PLCB1: variants seen among roughly 807,000 people sequenced by gnomAD.
PLCB1 encodes phospholipase C beta 1.
A neutral mutation model predicts 161.8 loss-of-function variants in PLCB1; 46 were observed. The ratio of observed to expected loss-of-function variants is 0.28; its 90% CI spans 0.22 to 0.36. PLCB1 has a LOEUF of 0.36. Ranked by LOEUF, PLCB1 falls within the 10% of genes least tolerant of loss-of-function variation. The pLI, the probability that PLCB1 is intolerant of heterozygous loss-of-function variation, is 1.00. For synonymous variants in PLCB1, 517 were observed against 503.7 expected (o/e 1.03, Z -0.35); for missense variants, 1,016 against 1,472.5 (o/e 0.69, Z 5.07).
At chr20:8,858,791 G>T (rs980649666) in intron 31 of PLCB1, among the ~76,000 whole-genome samples, 1 of 151,866 alleles carries the variant, frequency 6.6e-6, no homozygotes, top group Non-Finnish European at 1.5e-5. Context: ...ATACCCTAAT[G>T]CTAGGCTCTT....
chr20:8,357,582 C>G (rs569435422), intron 2 of PLCB1, among the ~76,000 whole-genome samples: 1 of 151,400 alleles, frequency 6.6e-6, no homozygotes, highest in African/African-American at 2.4e-5. Flanking sequence ...CTGGGGGGGC[C>G]GAGCGAGGAG....
chr20:8,482,558 A>C (rs1318159594), intron 3 of PLCB1, among the ~76,000 whole-genome samples: 1 of 152,160 alleles, frequency 6.6e-6, no homozygotes, highest in Non-Finnish European at 1.5e-5. Context: ...TCCCCTCTTT[A>C]TTGAAAGTAC....
At chr20:8,480,924 C>A (rs1982472749) in intron 3 of PLCB1, among the ~76,000 whole-genome samples, 1 of 152,078 alleles carries the variant, frequency 6.6e-6, no homozygotes, top group Admixed American at 6.5e-5. Context: ...GCCAATATGG[C>A]GAAACCTGGT....
At chr20:8,783,546 T>C (rs1462734423) in intron 27 of PLCB1, among the ~76,000 whole-genome samples, 1 of 152,242 alleles carries the variant, frequency 6.6e-6, no homozygotes, top group Non-Finnish European at 1.5e-5. Flanking sequence ...ATTTCTGTTT[T>C]TGTTTGTTTT....
intron 2 of PLCB1, among the ~76,000 whole-genome samples, chr20:8,166,119 C>A (rs1282976964): frequency 6.6e-6 from 1 of 152,120 alleles, no homozygotes; most frequent in East Asian, 1.9e-4. Flanking sequence ...CCCTCTTGAC[C>A]CTCACTGGCT....
intron 9 of PLCB1, among the ~76,000 whole-genome samples, chr20:8,674,093 A>AT (rs1990016268): frequency 6.6e-6 from 1 of 152,286 alleles, no homozygotes. Context: ...GTTTTGTCTC[A>AT]TTTCCTTCAA....
intron 2 of PLCB1, among the ~76,000 whole-genome samples, chr20:8,221,494 A>G (rs1388632517): frequency 2.0e-5 from 3 of 152,286 alleles, no homozygotes; most frequent in South Asian, 2.1e-4. Context: ...TACAGATTCT[A>G]TATGTTTCAC....
chr20:8,463,640 A>G (rs571548196), intron 3 of PLCB1, among the ~76,000 whole-genome samples: 4 of 151,992 alleles, frequency 2.6e-5, no homozygotes, highest in Admixed American at 6.6e-5. Flanking sequence ...ATTTTTTTCT[A>G]TTTTATCCTT....
At chr20:8,213,645 A>T (rs1978951380) in intron 2 of PLCB1, among the ~76,000 whole-genome samples, 1 of 152,056 alleles carries the variant, frequency 6.6e-6, no homozygotes, top group Non-Finnish European at 1.5e-5. Flanking sequence ...GAAGCCAATG[A>T]AGAATTTAAG....
At chr20:8,749,052 C>G (rs1026245265) in intron 23 of PLCB1, among the ~76,000 whole-genome samples, 1 of 152,160 alleles carries the variant, frequency 6.6e-6, no homozygotes, top group African/African-American at 2.4e-5. Flanking sequence ...ACCGCATATT[C>G]AACAAGCTTC....
At chr20:8,576,570 A>G (rs936869308) in intron 3 of PLCB1, among the ~76,000 whole-genome samples, 5 of 152,200 alleles carry the variant, frequency 3.3e-5, no homozygotes, top group Admixed American at 2.6e-4. Context: ...CTCTTTATAT[A>G]TAACTAAAAA....
At position 8,362,301 on chromosome 20, in the gene PLCB1, G is replaced by A. The variant is rs150372114; in HGVS notation, c.178-9081G>A. Among the ~76,000 whole-genome samples the A allele has an allele frequency of 9.9e-4, 150 of 152,110 alleles. 1 individual carries two copies. The highest frequency in any genetic ancestry group is 2.0e-3 in the Admixed American group (30 of 15,280). On this transcript the variant is annotated intron_variant, in intron 2 of 31. Transcript: ENST00000338037. ...TGTCAACCTAATAAGTTGACATCTC[G>A]TTAAAATGAAGGCAGTTACTAGCAT... is the stretch of plus-strand genomic sequence containing the variant.
chr20:8,884,598 AAAG>A lies in PLCB1; in HGVS notation c.*2750_*2752del, dbSNP rs915700978. ...AGCTGTCATTAAGTAATTCCCAAAA[AAAG>A]GGCCATTTGCTTGCATTACTTTGAA... On this transcript the variant is annotated 3_prime_UTR_variant, in exon 32 of 32. Coordinates refer to ENST00000338037, the MANE Select transcript of PLCB1 (RefSeq NM_015192.4). 6.6e-6 allele frequency: 1 copy of A among 152,616 alleles called. No homozygotes were observed. Among genetic ancestry groups the A allele is most frequent in the East Asian group, 1.9e-4 (1 of 5,200 alleles). The allele number at this position is 152,616 out of a possible 1,614,324, so 9.5% of individuals were successfully genotyped here. A position where few individuals can be genotyped will look rare whatever the true frequency, so the allele number is the denominator to read the frequency against.
At chr20:8,318,454 C>A (rs527476928) in intron 2 of PLCB1, among the ~76,000 whole-genome samples, 121 of 151,292 alleles carry the variant, frequency 8.0e-4, no homozygotes, top group African/African-American at 2.8e-3. Context: ...ATTGCCCCCC[C>A]CCTTTTTCTT....
chr20:8,134,198 T>C (rs1244344169), intron 1 of PLCB1, among the ~76,000 whole-genome samples: 1 of 152,180 alleles, frequency 6.6e-6, no homozygotes, highest in Non-Finnish European at 1.5e-5. Flanking sequence ...CAGACGCAGA[T>C]TAAATGCTTT....
intron 2 of PLCB1, among the ~76,000 whole-genome samples, chr20:8,349,997 G>A (rs1267350377): frequency 6.6e-6 from 1 of 152,150 alleles, no homozygotes; most frequent in East Asian, 1.9e-4. Flanking sequence ...ACAAATAAGT[G>A]AGTAAAGCAA....
At chr20:8,506,243 A>G (rs1382278317) in intron 3 of PLCB1, among the ~76,000 whole-genome samples, 1 of 152,266 alleles carries the variant, frequency 6.6e-6, no homozygotes, top group Non-Finnish European at 1.5e-5. Flanking sequence ...CAGTAATTCC[A>G]GCATAGAATT....
At chr20:8,555,526 A>T (rs189890445) in intron 3 of PLCB1, among the ~76,000 whole-genome samples, 1 of 152,090 alleles carries the variant, frequency 6.6e-6, no homozygotes, top group South Asian at 2.1e-4. Context: ...TTCTGAAAAC[A>T]CACTTTCTAC....
rs1259805854 is a variant in PLCB1, at chr20:8,554,441, C to CT, written c.247-73852dup. Among the ~76,000 whole-genome samples, 10 of 152,184 alleles carry CT rather than the reference C, an allele frequency of 6.6e-5. No individual in the cohort carries two copies. The East Asian group carries it at 1.9e-3, about 29-fold the overall frequency. ...CTCAGCTATAAATAAAAATGAATTGCTAATGCATTCAGTCTAGTGATGAAT... is the reference window on the plus strand; with the variant it reads ...CTCAGCTATAAATAAAAATGAATTGCTTAATGCATTCAGTCTAGTGATGAAT... On this transcript the variant is annotated intron_variant, in intron 3 of 31. Coordinates refer to ENST00000338037, the MANE Select transcript of PLCB1 (RefSeq NM_015192.4).
Sources: allele counts gnomAD v4.1 joint callset (sites outside exome capture counted in the v4.1 genomes callset), GRCh38; gene constraint gnomAD v4.1.1; transcripts MANE v1.5; gene names NCBI Gene and HGNC (gene_info 2026-07-23, HGNC 2026-07-21).